The following VPS13D variants were observed in gnomAD, a reference collection of about 807,000 sequenced individuals.
VPS13D encodes intermembrane lipid transfer protein VPS13D.
In VPS13D, 187 loss-of-function variants were observed where a neutral mutation model predicts 461.9. The ratio of observed to expected loss-of-function variants is 0.40; its 90% confidence interval spans 0.36 to 0.46. VPS13D has a LOEUF of 0.46. Among genes scored for constraint, VPS13D ranks in the 20% least tolerant of loss-of-function variants. The pLI, the probability that VPS13D is intolerant of heterozygous loss-of-function variation, is 0.60. For synonymous variants in VPS13D, 1,951 were observed against 1,986.3 expected (o/e 0.98, Z 0.47); for missense variants, 4,711 against 5,364.9 (o/e 0.88, Z 3.81).
chr1:12,462,575 A>T (rs967707537), intron 67 of VPS13D, among the ~76,000 whole-genome samples: 3 of 152,286 alleles, frequency 2.0e-5, no homozygotes, highest in Admixed American at 6.5e-5. Context: ...GTAGACCTAG[A>T]CTTAGACCCA....
In VPS13D at chr1:12,369,455, C is replaced by T; in HGVS notation, c.10573-12C>T. ...ATGAAAGTCCTCTTTGTCCTCTCTG[C>T]CATCACTCTAGGTCCCGGTTGTCTT... On this transcript the variant is annotated splice_polypyrimidine_tract_variant and intron_variant, in intron 53 of 69. Transcript: ENST00000620676. 1.2e-6 allele frequency: 2 copies of T among 1,612,954 alleles called. No individual in the cohort carries two copies. Among genetic ancestry groups the T allele is most frequent in the Non-Finnish European group, 1.7e-6 (2 of 1,179,124 alleles).
chr1:12,281,956 C>T (rs182783686), intron 20 of VPS13D, among the ~76,000 whole-genome samples: 1 of 151,292 alleles, frequency 6.6e-6, no homozygotes, highest in Admixed American at 6.6e-5. Flanking sequence ...GGCATGATCT[C>T]AGCTCACTGT....
At chr1:12,360,859 T>C (rs1237030795) in intron 50 of VPS13D, among the ~76,000 whole-genome samples, 3 of 152,222 alleles carry the variant, frequency 2.0e-5, no homozygotes, top group Non-Finnish European at 4.4e-5. Context: ...TGGGATTGTG[T>C]TGAGAAATCT....
chr1:12,349,442 A>T, intron 46 of VPS13D, 68 bp downstream of exon 46: 1 of 1,412,886 alleles, frequency 7.1e-7, no homozygotes, highest in Non-Finnish European at 9.9e-7. Context: ...GACTATTACC[A>T]TTCTTTCTCT....
intron 50 of VPS13D, among the ~76,000 whole-genome samples, chr1:12,359,799 A>G (rs1643923844): frequency 6.6e-6 from 1 of 152,254 alleles, no homozygotes; most frequent in African/African-American, 2.4e-5. Context: ...TTTAAAAGAA[A>G]GAAACTTGAT....
chr1:12,351,288 A>G (rs546656976), intron 46 of VPS13D, among the ~76,000 whole-genome samples: 2 of 152,252 alleles, frequency 1.3e-5, no homozygotes, highest in African/African-American at 4.8e-5. Flanking sequence ...CATTATTAAA[A>G]ATTTTTTCTT....
Position 12,276,213 on chromosome 1 carries a change from C to T in VPS13D, c.2625C>T (p.Leu875=). Residue 875 remains leucine, a synonymous_variant, in exon 19 of 70, where the codon CTC becomes CTT. Coordinates refer to ENST00000620676, the MANE Select transcript of VPS13D (RefSeq NM_015378.4). The surrounding 1 kb of genome is among the most constrained non-coding windows in gnomAD (Gnocchi z 4.5). ...ATCCCAAATATCCAGGAGCCGTGCT[C>T]TCAGGCAACTTACCAGACTTAAAAA... is the stretch of plus-strand genomic sequence containing the variant. ...TSDPKYPGAV[L]SGNLPDLKIH... 6.2e-7 allele frequency: 1 copy of T among 1,614,078 alleles called. No individual in the cohort carries two copies. The highest frequency in any genetic ancestry group is 8.5e-7 in the Non-Finnish European group (1 of 1,180,024).
At chr1:12,496,701 C>T (rs1370438059) in intron 67 of VPS13D, among the ~76,000 whole-genome samples, 1 of 152,248 alleles carries the variant, frequency 6.6e-6, no homozygotes, top group Non-Finnish European at 1.5e-5. Context: ...TCTAGGAAAA[C>T]ACCAGAAAGT....
chr1:12,509,178 C>A lies in VPS13D; in HGVS notation c.*154C>A. 1 of 877,326 alleles carries A rather than the reference C, an allele frequency of 1.1e-6. No individual in the cohort carries two copies. Among genetic ancestry groups the A allele is most frequent in the Non-Finnish European group, 1.6e-6 (1 of 609,406 alleles). 54.3% of individuals were successfully genotyped at this position (877,326 alleles called of 1,614,324 possible). ...AAGTAAATCCTCATGAGGAAAAGTA[C>A]AAATGGAAATCGTATTAATTTGTGA... On this transcript the variant is annotated 3_prime_UTR_variant, in exon 70 of 70. Coordinates refer to ENST00000620676, the MANE Select transcript of VPS13D (RefSeq NM_015378.4).
At chr1:12,280,991 A>G (rs35223089) in intron 20 of VPS13D, among the ~76,000 whole-genome samples, 27,584 of 151,936 alleles carry the variant, frequency 0.18, 3,043 homozygotes, top group Middle Eastern at 0.25. Flanking sequence ...CAAAAGTGGA[A>G]TAGTCTAATG....
intron 39 of VPS13D, 101 bp downstream of exon 39, chr1:12,335,928 A>G: frequency 6.5e-7 from 1 of 1,540,906 alleles, no homozygotes; most frequent in Non-Finnish European, 8.8e-7. Flanking sequence ...GCGTGGAAAA[A>G]CCTACAGGAA....
At chr1:12,294,245 AG>A (rs1288540808) in intron 24 of VPS13D, among the ~76,000 whole-genome samples, 1 of 152,268 alleles carries the variant, frequency 6.6e-6, no homozygotes, top group African/African-American at 2.4e-5. Context: ...TTAATTCTTA[AG>A]TAACCACAAT....
intron 28 of VPS13D, 37 bp from the exon 29 acceptor site, chr1:12,311,776 C>A: frequency 1.3e-6 from 2 of 1,597,292 alleles, no homozygotes; most frequent in African/African-American, 1.3e-5. Flanking sequence ...AGGATGGCAT[C>A]ATCAGCTGTG....
chr1:12,478,538 C>G (rs1645666651), intron 67 of VPS13D: 1 of 312,820 alleles, frequency 3.2e-6, no homozygotes, highest in South Asian at 2.9e-5. Flanking sequence ...TCGAGGCTGT[C>G]CTGTTTAACC....
chr1:12,324,435 C>T (rs1184153748), intron 35 of VPS13D, among the ~76,000 whole-genome samples: 2 of 151,912 alleles, frequency 1.3e-5, no homozygotes, highest in African/African-American at 2.4e-5. Flanking sequence ...ACCTGGGAGG[C>T]GGAGGTTGCA....
chr1:12,436,483 G>A (rs1228807779), intron 65 of VPS13D, among the ~76,000 whole-genome samples: 1 of 152,162 alleles, frequency 6.6e-6, no homozygotes, highest in Non-Finnish European at 1.5e-5. Flanking sequence ...GGCCTAGTGG[G>A]GAAAGACTGG....
rs752791281 is a variant in VPS13D at position 12,270,992 on chromosome 1, A to G, written c.1973-2A>G. The stretch of plus-strand genomic sequence containing the variant: ...CTCTGCTGTGTATTTCCAACCTTGC[A>G]GGTTTTGGTTATCAGTCTGAACTTG... On this transcript the variant is annotated splice_acceptor_variant, in intron 16 of 69. Coordinates refer to ENST00000620676, the MANE Select transcript of VPS13D (RefSeq NM_015378.4). LOFTEE classifies it high-confidence loss of function. 2 of 1,613,286 alleles carry G rather than the reference A, an allele frequency of 1.2e-6. No individual in the cohort carries two copies. The highest frequency in any genetic ancestry group is 1.7e-6 in the Non-Finnish European group (2 of 1,179,570).
At chr1:12,503,190 A>C (rs1301698052) in intron 68 of VPS13D, among the ~76,000 whole-genome samples, 1 of 152,218 alleles carries the variant, frequency 6.6e-6, no homozygotes, top group African/African-American at 2.4e-5. Flanking sequence ...GGCTCCTGGC[A>C]GATTCACCCA....
intron 67 of VPS13D, 150 bp from the exon 68 acceptor site, chr1:12,497,350 G>A (rs758850327): frequency 7.3e-6 from 6 of 819,628 alleles, no homozygotes; most frequent in Non-Finnish European, 1.0e-5. Flanking sequence ...CTATTTCATG[G>A]TGTATTCACA....
Sources: allele counts gnomAD v4.1 joint callset (sites outside exome capture counted in the v4.1 genomes callset), GRCh38; gene constraint gnomAD v4.1.1; non-coding constraint Gnocchi (gnomAD v3.1); transcripts MANE v1.5; gene names NCBI Gene and HGNC (gene_info 2026-07-23, HGNC 2026-07-21).